Variants in PLA2R1 observed in about 807,000 individuals in gnomAD.
The protein encoded by PLA2R1 is phospholipase A2 receptor 1, also known as secretory phospholipase A2 receptor.
In PLA2R1, 158 loss-of-function variants were observed where a neutral mutation model predicts 195.9. The ratio of observed to expected loss-of-function variants is 0.81; its 90% CI spans 0.71 to 0.92. The LOEUF (loss-of-function observed/expected upper bound fraction) is 0.92. Ranked by LOEUF, PLA2R1 falls within the 40% of genes least tolerant of loss-of-function variation. PLA2R1 has a pLI of 0.00. For synonymous variants in PLA2R1, 586 were observed against 598.2 expected (o/e 0.98, Z 0.30); for missense variants, 1,626 against 1,764.6 (o/e 0.92, Z 1.41).
In PLA2R1 at chr2:159,956,539, A is replaced by G. The variant is rs1466604842; in HGVS notation, c.2993T>C (p.Leu998Pro). Residue 998 changes from leucine (L) to proline (P), a missense_variant, in exon 21 of 30, where the codon CTG (leucine) becomes CCG (proline). Physicochemically the swap from Leu to Pro is moderately conservative, Grantham distance 98. Coordinates refer to ENST00000283243, the MANE Select transcript of PLA2R1 (RefSeq NM_007366.5). ...QHFCAEEGGT[L>P]VAIESEVEQA... Reference sequence around the variant, plus strand: ...CTCCACCTCACTTTCAATGGCGACCAGGGTCCCCCCTTCTTCAGCACAGAA... The same window carrying G: ...CTCCACCTCACTTTCAATGGCGACCGGGGTCCCCCCTTCTTCAGCACAGAA... The G allele has an allele frequency of 1.2e-6, 2 of 1,612,040 alleles. No individual in the cohort carries two copies. The highest frequency in any genetic ancestry group is 1.7e-5 in the Admixed American group (1 of 59,996).
the PLA2R1 span, among the ~76,000 whole-genome samples, chr2:159,924,798 G>A: frequency 6.6e-6 from 1 of 151,996 alleles, no homozygotes; most frequent in Non-Finnish European, 1.5e-5. Flanking sequence ...ATTTGGGGTC[G>A]TGTTCTTTTT....
chr2:160,034,589 C>T (rs1019153115), intron 3 of PLA2R1, among the ~76,000 whole-genome samples: 5 of 152,164 alleles, frequency 3.3e-5, no homozygotes, highest in African/African-American at 1.2e-4. Context: ...ACCATGACAG[C>T]TGAGACCATG....
chr2:160,013,020 T>C (rs957578012), intron 10 of PLA2R1, among the ~76,000 whole-genome samples: 6 of 152,224 alleles, frequency 3.9e-5, no homozygotes, highest in Non-Finnish European at 8.8e-5. Context: ...AAAAGCTGGA[T>C]AATTAATAAA....
the PLA2R1 span, among the ~76,000 whole-genome samples, chr2:159,926,869 T>C: frequency 6.6e-6 from 1 of 152,216 alleles, no homozygotes; most frequent in African/African-American, 2.4e-5. Context: ...ACTGAAGCTA[T>C]GGAGAGGAGC....
intron 11 of PLA2R1, among the ~76,000 whole-genome samples, chr2:159,989,565 A>G (rs1167874266): frequency 6.6e-6 from 1 of 152,236 alleles, no homozygotes; most frequent in East Asian, 1.9e-4. Flanking sequence ...ATCTTTAGTA[A>G]CTGGAAACTT....
chr2:159,975,684 T>C (rs571453674), intron 17 of PLA2R1, among the ~76,000 whole-genome samples: 1 of 152,114 alleles, frequency 6.6e-6, no homozygotes, highest in African/African-American at 2.4e-5. Flanking sequence ...ATGGTCTTTC[T>C]TCCCAGACGA....
rs528586066 is a variant in PLA2R1, at chr2:160,006,636, C to T, written c.1665-815G>A. 4.6e-5 allele frequency among the ~76,000 whole-genome samples: 7 copies of T among 152,308 alleles called. No homozygotes were observed. The South Asian group carries it at 1.2e-3, about 27-fold the overall frequency. ...AAAATTTAACTAGCATTGAACCTTT[C>T]AGCTAAGTTGAAACTATCTTGAGAA... is the stretch of plus-strand genomic sequence containing the variant. On this transcript the variant is annotated intron_variant, in intron 10 of 29. Transcript: ENST00000283243.
intron 11 of PLA2R1, among the ~76,000 whole-genome samples, chr2:159,990,567 C>T (rs2105334170): frequency 6.6e-6 from 1 of 152,304 alleles, no homozygotes; most frequent in South Asian, 2.1e-4. Flanking sequence ...CAACCCTTTA[C>T]ATCCTCATCT....
intron 1 of PLA2R1, among the ~76,000 whole-genome samples, chr2:160,050,502 TC>T (rs1695150299): frequency 6.6e-6 from 1 of 152,200 alleles, no homozygotes. Context: ...CTATATTCAG[TC>T]CAGGTGTAGC....
chr2:159,925,967 G>C, the PLA2R1 span, among the ~76,000 whole-genome samples: 1 of 152,256 alleles, frequency 6.6e-6, no homozygotes, highest in South Asian at 2.1e-4. Context: ...CTTTTTGGTG[G>C]GGGGAGGAAG....
At chr2:159,989,993 G>C (rs1690650483) in intron 11 of PLA2R1, among the ~76,000 whole-genome samples, 1 of 152,188 alleles carries the variant, frequency 6.6e-6, no homozygotes, top group Admixed American at 6.5e-5. Context: ...AAGTGCTGCA[G>C]AAGTGTTATT....
downstream of PLA2R1, among the ~76,000 whole-genome samples, chr2:159,929,548 G>C (rs1385637672): frequency 6.6e-6 from 1 of 152,188 alleles, no homozygotes; most frequent in Non-Finnish European, 1.5e-5. Context: ...TTACACTGCT[G>C]GTGGGAATGT....
chr2:160,041,477 G>A (rs1694514681), intron 3 of PLA2R1, among the ~76,000 whole-genome samples: 1 of 152,158 alleles, frequency 6.6e-6, no homozygotes, highest in South Asian at 2.1e-4. Context: ...AAAAAAATGA[G>A]GTTATAGCCA....
At chr2:159,977,234 G>A in intron 15 of PLA2R1, 50 bp downstream of exon 15, 2 of 1,406,302 alleles carry the variant, frequency 1.4e-6, no homozygotes, top group African/African-American at 1.4e-5. Context: ...GAAAGTACTA[G>A]AGATTATTAG....
chr2:160,019,960 T>C, intron 8 of PLA2R1, 146 bp downstream of exon 8: 1 of 563,328 alleles, frequency 1.8e-6, no homozygotes, highest in Non-Finnish European at 3.2e-6. Context: ...TTTTTCTGTG[T>C]GTACTTGTTT....
intron 10 of PLA2R1, among the ~76,000 whole-genome samples, chr2:160,006,728 C>T (rs1024667499): frequency 2.0e-5 from 3 of 152,222 alleles, no homozygotes; most frequent in Admixed American, 2.0e-4. Context: ...CTGGGCAGAC[C>T]TGCTGAGTCA....
chr2:160,011,290 A>C (rs964172114), intron 10 of PLA2R1, among the ~76,000 whole-genome samples: 3 of 152,106 alleles, frequency 2.0e-5, no homozygotes, highest in African/African-American at 7.2e-5. Flanking sequence ...TGTCACTGTG[A>C]GTTTATCCAT....
chr2:159,992,578 G>A (rs1261367281), intron 11 of PLA2R1, among the ~76,000 whole-genome samples: 1 of 149,856 alleles, frequency 6.7e-6, no homozygotes. Context: ...TCGTGAAAAT[G>A]GCCATACTGC....
At chr2:159,955,936 T>A (rs1688058525) in intron 21 of PLA2R1, 108 bp from the exon 22 acceptor site, 1 of 605,144 alleles carries the variant, frequency 1.7e-6, no homozygotes, top group African/African-American at 2.0e-5. Context: ...CAAAACATAA[T>A]TATGAATCAT....
Sources: allele counts gnomAD v4.1 joint callset (sites outside exome capture counted in the v4.1 genomes callset), GRCh38; gene constraint gnomAD v4.1.1; transcripts MANE v1.5; gene names NCBI Gene and HGNC (gene_info 2026-07-23, HGNC 2026-07-21).